The following ABLIM2 variants were observed in gnomAD, a reference collection of about 807,000 sequenced individuals.
ABLIM2 encodes actin binding LIM protein family member 2.
ABLIM2 carries 53 observed loss-of-function variants against 97.7 expected under a neutral mutation model. The observed-to-expected ratio is 0.54, with a 90% CI of 0.44 to 0.68. The LOEUF (loss-of-function observed/expected upper bound fraction) is 0.68. Among genes scored for constraint, ABLIM2 ranks in the 30% least tolerant of loss-of-function variants. The pLI is 0.00. For missense variants in ABLIM2, 835 were observed against 867.2 expected (o/e 0.96, Z 0.47); for synonymous variants, 361 against 345.8 (o/e 1.04, Z -0.49).
chr4:8,029,379 C>A (rs1458167244), intron 11 of ABLIM2, among the ~76,000 whole-genome samples: 1 of 152,166 alleles, frequency 6.6e-6, no homozygotes, highest in African/African-American at 2.4e-5. Flanking sequence ...TCAGCGTGTG[C>A]CCCCTAGGCT....
At chr4:7,983,665 C>A in intron 18 of ABLIM2, 111 bp from the exon 19 acceptor site, 2 of 1,334,600 alleles carry the variant, frequency 1.5e-6, no homozygotes, top group South Asian at 1.3e-5. Flanking sequence ...CCTGCAGTCA[C>A]CTGGGCCATG....
chr4:8,086,622 G>C (rs1180164252), intron 4 of ABLIM2, among the ~76,000 whole-genome samples: 1 of 152,076 alleles, frequency 6.6e-6, no homozygotes, highest in African/African-American at 2.4e-5. Flanking sequence ...TGGGATTACA[G>C]GCATGAGCCA....
intron 16 of ABLIM2, among the ~76,000 whole-genome samples, chr4:7,995,875 T>C (rs541845922): frequency 1.8e-4 from 28 of 152,068 alleles, no homozygotes; most frequent in African/African-American, 6.5e-4. Context: ...CCCAAGTAAA[T>C]GGCCTAGCCA....
intron 1 of ABLIM2, among the ~76,000 whole-genome samples, chr4:8,154,268 T>C (rs548831560): frequency 0.012 from 1,012 of 87,006 alleles, 23 homozygotes; most frequent in African/African-American, 0.033. Context: ...AGCCACTTAT[T>C]TTCTTTTCTT....
chr4:8,004,933 G>A lies in ABLIM2; in HGVS notation c.1618+3126C>T, dbSNP rs376624864. ...AACTAATGGAATGGGGATGGCTCCC[G>A]GGTTTGTCACCGCCATAAAGTCCTC... On this transcript the variant is annotated intron_variant, in intron 16 of 20. Coordinates refer to ENST00000447017, the MANE Select transcript of ABLIM2 (RefSeq NM_001130083.2). The surrounding 1 kb of genome is among the most constrained non-coding windows in gnomAD (Gnocchi z 5.9). 6.6e-6 allele frequency among the ~76,000 whole-genome samples: 1 copy of A among 152,202 alleles called. No individual in the cohort carries two copies. The highest frequency in any genetic ancestry group is 6.5e-5 in the Admixed American group (1 of 15,278).
chr4:7,971,929 G>C (rs1243591372), intron 20 of ABLIM2, among the ~76,000 whole-genome samples: 1 of 152,110 alleles, frequency 6.6e-6, no homozygotes, highest in African/African-American at 2.4e-5. Context: ...GGGCCAGCAA[G>C]GGGCCACTTT....
intron 1 of ABLIM2, among the ~76,000 whole-genome samples, chr4:8,158,412 G>T (rs1245745132): frequency 6.6e-6 from 1 of 152,182 alleles, no homozygotes; most frequent in Non-Finnish European, 1.5e-5. Flanking sequence ...CAAAGAAGGG[G>T]CGCCTTCCAG....
At position 8,130,407 on chromosome 4, in the gene ABLIM2, G is replaced by A. The variant is rs551366143; in HGVS notation, c.11-23770C>T. Among the ~76,000 whole-genome samples, 1 of 152,316 alleles carries A rather than the reference G, an allele frequency of 6.6e-6. No individual in the cohort carries two copies. Among genetic ancestry groups the A allele is most frequent in the East Asian group, 1.9e-4 (1 of 5,174 alleles). On this transcript the variant is annotated intron_variant, in intron 1 of 20. Coordinates refer to ENST00000447017, the MANE Select transcript of ABLIM2 (RefSeq NM_001130083.2). The surrounding 1 kb of genome is among the most constrained non-coding windows in gnomAD (Gnocchi z 4.2). ...TTCTGAGTCCTGCCTGGGCCCTCAG[G>A]GTCCTCTTGGCTCAAGACCAACAAC...
chr4:8,139,793 C>T (rs1171935710), intron 1 of ABLIM2, among the ~76,000 whole-genome samples: 1 of 152,182 alleles, frequency 6.6e-6, no homozygotes, highest in East Asian at 1.9e-4. Context: ...TATAAAGATA[C>T]ATGCATGTGT....
At chr4:8,089,514 C>T (rs926844419) in intron 3 of ABLIM2, among the ~76,000 whole-genome samples, 2 of 152,014 alleles carry the variant, frequency 1.3e-5, no homozygotes, top group African/African-American at 4.8e-5. Flanking sequence ...GTGGGAGGAT[C>T]ACTTGAGGTC....
chr4:7,989,785 G>A (rs962718315), intron 17 of ABLIM2, among the ~76,000 whole-genome samples: 1 of 152,142 alleles, frequency 6.6e-6, no homozygotes, highest in Non-Finnish European at 1.5e-5. Context: ...TTTTCAGAAT[G>A]GGACTTCTTC....
intron 12 of ABLIM2, among the ~76,000 whole-genome samples, chr4:8,024,600 G>A (rs10049743): frequency 1.1e-3 from 166 of 152,320 alleles, no homozygotes; most frequent in African/African-American, 3.9e-3. Context: ...GAGGTCCTAG[G>A]CTGGGACACA....
At chr4:8,031,946 C>T (rs1428238166) in intron 10 of ABLIM2, among the ~76,000 whole-genome samples, 1 of 151,976 alleles carries the variant, frequency 6.6e-6, no homozygotes, top group Non-Finnish European at 1.5e-5. Context: ...AGGCTGGTCT[C>T]GAACTCCTGA....
chr4:8,007,692 G>A (rs1390469217), intron 16 of ABLIM2: 9 of 1,034,272 alleles, frequency 8.7e-6, no homozygotes, highest in Admixed American at 1.0e-4. Context: ...CTCATCAGCC[G>A]GACCATGCCC....
chr4:8,041,236 G>C (rs1055995937), intron 9 of ABLIM2: 2 of 152,238 alleles, frequency 1.3e-5, no homozygotes, highest in Non-Finnish European at 2.9e-5. Flanking sequence ...CCCCCACTTG[G>C]GTCTGCCCCG....
chr4:7,987,879 C>G (rs1745654486), intron 17 of ABLIM2, among the ~76,000 whole-genome samples: 1 of 152,138 alleles, frequency 6.6e-6, no homozygotes, highest in South Asian at 2.1e-4. Flanking sequence ...TATGTGTGGA[C>G]CAGCAGGAGA....
chr4:8,026,094 A>G (rs1777152506), intron 12 of ABLIM2, among the ~76,000 whole-genome samples: 1 of 152,176 alleles, frequency 6.6e-6, no homozygotes. Flanking sequence ...TGCAGCTTCA[A>G]ACTGCTGGCC....
At position 8,032,600 on chromosome 4, in the gene ABLIM2, G is replaced by GGCA; in HGVS notation, c.1048-2827_1048-2825dup. 1 of 1,611,270 alleles carries GGCA rather than the reference G, an allele frequency of 6.2e-7. No homozygotes were observed. Among genetic ancestry groups the GGCA allele is most frequent in the South Asian group, 1.1e-5 (1 of 91,024 alleles). ...GCTGGGTGGTTATGTTTATAACCCAGGCAGCAGCGCCACGGCAAGCGGGGA... is the reference window on the plus strand; with the variant it reads ...GCTGGGTGGTTATGTTTATAACCCAGGCAGCAGCAGCGCCACGGCAAGCGGGGA... On this transcript the variant is annotated intron_variant, in intron 10 of 20. Transcript: ENST00000447017. The surrounding 1 kb of genome is among the most constrained non-coding windows in gnomAD (Gnocchi z 4.3).
intron 9 of ABLIM2, among the ~76,000 whole-genome samples, chr4:8,042,627 G>A (rs1579553763): frequency 6.6e-6 from 1 of 152,154 alleles, no homozygotes; most frequent in Admixed American, 6.5e-5. Context: ...ATCACCTGAG[G>A]TCGGGAGTTT....
Sources: allele counts gnomAD v4.1 joint callset (sites outside exome capture counted in the v4.1 genomes callset), GRCh38; gene constraint gnomAD v4.1.1; non-coding constraint Gnocchi (gnomAD v3.1); transcripts MANE v1.5; gene names NCBI Gene and HGNC (gene_info 2026-07-23, HGNC 2026-07-21).